Variants in AFG1L observed in about 807,000 individuals in gnomAD.
AFG1L encodes the protein AFG1 like ATPase, also known as AFG1-like ATPase.
In AFG1L, 53 loss-of-function variants were observed where a neutral mutation model predicts 62.2. The observed-to-expected ratio is 0.85, with a 90% confidence interval of 0.68 to 1.07. The LOEUF is 1.07. Ranked by LOEUF, AFG1L falls within the 50% of genes least tolerant of loss-of-function variation. AFG1L has a pLI of 0.00. For missense variants in AFG1L, 555 were observed against 590.5 expected (o/e 0.94, Z 0.62); for synonymous variants, 228 against 210.3 (o/e 1.08, Z -0.73).
intron 8 of AFG1L, among the ~76,000 whole-genome samples, chr6:108,454,721 C>T (rs1412737262): frequency 6.6e-6 from 1 of 152,128 alleles, no homozygotes; most frequent in Non-Finnish European, 1.5e-5. Context: ...GGTGAGATCT[C>T]AGCTCACTGC....
chr6:108,390,966 T>G lies in AFG1L; in HGVS notation c.749-11030T>G, dbSNP rs147849178. On this transcript the variant is annotated intron_variant, in intron 6 of 12. Coordinates refer to ENST00000368977, the MANE Select transcript of AFG1L (RefSeq NM_145315.5). The stretch of plus-strand genomic sequence containing the variant: ...AGCTGTAGACTGGAGGTGTTCCTAT[T>G]CGGCCATCTTGGAACCCCCATCACC... 8.5e-4 allele frequency among the ~76,000 whole-genome samples: 130 copies of G among 152,326 alleles called. 1 individual carries two copies. Among genetic ancestry groups the G allele is most frequent in the African/African-American group, 3.1e-3 (127 of 41,584 alleles).
chr6:108,460,913 C>T (rs1409354548), intron 8 of AFG1L, among the ~76,000 whole-genome samples: 3 of 152,116 alleles, frequency 2.0e-5, no homozygotes, highest in Admixed American at 6.5e-5. Flanking sequence ...GCTGAGATGG[C>T]GCCACTGCAC....
intron 7 of AFG1L, among the ~76,000 whole-genome samples, chr6:108,415,134 A>G (rs1195590025): frequency 1.3e-5 from 2 of 152,212 alleles, no homozygotes; most frequent in African/African-American, 4.8e-5. Context: ...ATAACAGACA[A>G]ACAGAGAGCC....
intron 8 of AFG1L, among the ~76,000 whole-genome samples, chr6:108,449,908 A>G (rs1398662277): frequency 1.3e-5 from 2 of 152,182 alleles, no homozygotes; most frequent in Non-Finnish European, 1.5e-5. Context: ...AGCTTCATCC[A>G]TGTCCCTACA....
intron 8 of AFG1L, among the ~76,000 whole-genome samples, chr6:108,466,089 C>T (rs1303874579): frequency 6.6e-6 from 1 of 152,068 alleles, no homozygotes; most frequent in Non-Finnish European, 1.5e-5. Flanking sequence ...CTTGAGGCAA[C>T]TTATATTGAA....
chr6:108,389,451 G>T (rs967294399), intron 6 of AFG1L, among the ~76,000 whole-genome samples: 16 of 152,102 alleles, frequency 1.1e-4, no homozygotes, highest in African/African-American at 3.4e-4. Flanking sequence ...GCTCGTTAGT[G>T]GATGCAGTTT....
chr6:108,374,793 A>G (rs1368277131), intron 6 of AFG1L, among the ~76,000 whole-genome samples: 1 of 152,026 alleles, frequency 6.6e-6, no homozygotes, highest in African/African-American at 2.4e-5. Context: ...CCTTTTGTTT[A>G]GGGTTGCTTT....
At chr6:108,472,243 A>T (rs1772925440) in intron 8 of AFG1L, among the ~76,000 whole-genome samples, 2 of 152,118 alleles carry the variant, frequency 1.3e-5, no homozygotes, top group Admixed American at 6.5e-5. Flanking sequence ...GGATGAGGAG[A>T]GGTAGGTCAA....
chr6:108,507,210 A>T (rs888669924), intron 10 of AFG1L, among the ~76,000 whole-genome samples: 1 of 152,148 alleles, frequency 6.6e-6, no homozygotes. Context: ...CATAAAATTG[A>T]CCATTTTAAC....
At chr6:108,478,305 C>T (rs1467481346) in intron 10 of AFG1L, among the ~76,000 whole-genome samples, 1 of 152,080 alleles carries the variant, frequency 6.6e-6, no homozygotes, top group Non-Finnish European at 1.5e-5. Context: ...GGCGTTGTGG[C>T]GGGCGCCTGT....
intron 1 of AFG1L, among the ~76,000 whole-genome samples, chr6:108,316,778 C>T (rs145002279): frequency 0.012 from 1,782 of 152,058 alleles, 27 homozygotes; most frequent in African/African-American, 0.038. Context: ...GTGATCTGCC[C>T]GCCTTGGCCT....
At chr6:108,374,610 T>C (rs980994636) in intron 6 of AFG1L, among the ~76,000 whole-genome samples, 5 of 152,234 alleles carry the variant, frequency 3.3e-5, no homozygotes, top group African/African-American at 1.2e-4. Context: ...TTGCTTATTT[T>C]TGTCAACTTT....
At position 108,364,583 on chromosome 6, in the gene AFG1L, A is replaced by G. The variant is rs916664143; in HGVS notation, c.649-1650A>G. On this transcript the variant is annotated intron_variant, in intron 5 of 12. Coordinates refer to ENST00000368977, the MANE Select transcript of AFG1L (RefSeq NM_145315.5). ...AAACTTTCATTGATACTGTTCTTTTAAAAAGTCAGTGTATTGGCAATGTAA... is the reference window on the plus strand; with the variant it reads ...AAACTTTCATTGATACTGTTCTTTTGAAAAGTCAGTGTATTGGCAATGTAA... 3.3e-5 allele frequency among the ~76,000 whole-genome samples: 5 copies of G among 152,168 alleles called. No individual in the cohort carries two copies. In the South Asian group the frequency reaches 8.3e-4, roughly 25 times the overall value.
At chr6:108,301,800 A>G (rs554648008) in intron 1 of AFG1L, among the ~76,000 whole-genome samples, 15 of 152,196 alleles carry the variant, frequency 9.9e-5, no homozygotes, top group Non-Finnish European at 1.8e-4. Flanking sequence ...ATATGTGCCC[A>G]GGATTAGAAT....
intron 6 of AFG1L, among the ~76,000 whole-genome samples, chr6:108,368,561 C>T (rs1779856821): frequency 6.6e-6 from 1 of 151,940 alleles, no homozygotes; most frequent in Non-Finnish European, 1.5e-5. Flanking sequence ...TGTTAGCCAC[C>T]CTATGAGCCA....
At chr6:108,375,963 T>C (rs910061781) in intron 6 of AFG1L, among the ~76,000 whole-genome samples, 3 of 151,990 alleles carry the variant, frequency 2.0e-5, no homozygotes, top group African/African-American at 7.2e-5. Flanking sequence ...GATTAGTAGG[T>C]TTTTAATTAT....
intron 10 of AFG1L, among the ~76,000 whole-genome samples, chr6:108,503,901 G>T (rs528920649): frequency 1.1e-3 from 172 of 152,284 alleles, no homozygotes; most frequent in African/African-American, 4.0e-3. Flanking sequence ...TATGGAGATG[G>T]CTTCTTTTCT....
At chr6:108,384,015 A>G (rs1452907941) in intron 6 of AFG1L, among the ~76,000 whole-genome samples, 1 of 150,748 alleles carries the variant, frequency 6.6e-6, no homozygotes, top group Non-Finnish European at 1.5e-5. Flanking sequence ...ATAATGATAA[A>G]TTCTGAGCAA....
intron 7 of AFG1L, among the ~76,000 whole-genome samples, chr6:108,418,584 A>C (rs928192886): frequency 6.6e-6 from 1 of 152,190 alleles, no homozygotes; most frequent in African/African-American, 2.4e-5. Flanking sequence ...GCATTCCAAG[A>C]GCTTGCTGGA....
Sources: gnomAD v4.1 joint callset for allele counts (sites outside exome capture counted in the v4.1 genomes callset) on GRCh38, gnomAD v4.1.1 for gene constraint, MANE v1.5 for transcripts, NCBI Gene and HGNC (gene_info 2026-07-23, HGNC 2026-07-21) for gene names.